SLC16A6: variants seen among roughly 807,000 people sequenced by gnomAD.
SLC16A6 encodes solute carrier family 16 member 6, also known as monocarboxylate transporter 7.
SLC16A6 carries 15 observed loss-of-function variants against 33.8 expected under a neutral mutation model. The observed-to-expected ratio is 0.44, with a 90% CI of 0.30 to 0.68. The LOEUF is 0.68. Ranked by LOEUF, SLC16A6 falls within the 30% of genes least tolerant of loss-of-function variation. The pLI, the probability that SLC16A6 is intolerant of heterozygous loss-of-function variation, is 0.10. For synonymous variants in SLC16A6, 219 were observed against 248.4 expected (o/e 0.88, Z 1.11); for missense variants, 451 against 661.5 (o/e 0.68, Z 3.49).
intron 1 of SLC16A6, among the ~76,000 whole-genome samples, chr17:68,283,546 C>G (rs1373754379): frequency 2.7e-5 from 4 of 149,274 alleles, no homozygotes; most frequent in Non-Finnish European, 5.9e-5. Context: ...AGGCTGGGCA[C>G]GGCGGCTCAC....
chr17:68,269,059 C>G lies in SLC16A6; in HGVS notation c.*37G>C. 6.3e-7 allele frequency: 1 copy of G among 1,586,834 alleles called. No homozygotes were observed. Among genetic ancestry groups the G allele is most frequent in the Non-Finnish European group, 8.6e-7 (1 of 1,166,696 alleles). On this transcript the variant is annotated 3_prime_UTR_variant, in exon 6 of 6. Coordinates refer to ENST00000580666, the MANE Select transcript of SLC16A6 (RefSeq NM_004694.5). Reference sequence around the variant, plus strand: ...CCCGTTGGGCCCACCCCATCCCTCTCCAGCCAACACAGTGGCTGTTGTTGT... The same window carrying G: ...CCCGTTGGGCCCACCCCATCCCTCTGCAGCCAACACAGTGGCTGTTGTTGT...
At chr17:68,279,353 A>AAT (rs1213439287) in intron 1 of SLC16A6, among the ~76,000 whole-genome samples, 2 of 152,018 alleles carry the variant, frequency 1.3e-5, no homozygotes, top group African/African-American at 4.8e-5. Flanking sequence ...CTCAGTAAGC[A>AAT]ATATTCTGAT....
chr17:68,272,846 T>G, intron 3 of SLC16A6, 79 bp from the exon 4 acceptor site: 1 of 1,569,852 alleles, frequency 6.4e-7, no homozygotes, highest in Non-Finnish European at 8.6e-7. Flanking sequence ...AGATCTGGGA[T>G]TTTTGGTTTT....
chr17:68,276,442 ACTTT>A (rs782598955), intron 2 of SLC16A6, among the ~76,000 whole-genome samples: 5 of 151,630 alleles, frequency 3.3e-5, no homozygotes, highest in African/African-American at 7.3e-5. Context: ...AGCCTGGTTA[ACTTT>A]CTTTATTTTT....
chr17:68,289,194 A>C (rs1178760430), intron 1 of SLC16A6, among the ~76,000 whole-genome samples: 3 of 152,158 alleles, frequency 2.0e-5, no homozygotes, highest in South Asian at 2.1e-4. Flanking sequence ...AAAAAATTAA[A>C]AAATGAGGTG....
At chr17:68,279,307 A>G (rs1476087574) in intron 1 of SLC16A6, among the ~76,000 whole-genome samples, 1 of 151,994 alleles carries the variant, frequency 6.6e-6, no homozygotes, top group Non-Finnish European at 1.5e-5. Flanking sequence ...GGCCACCGCG[A>G]TCACCTAGTC....
At chr17:68,273,178 G>A (rs1180351017) in intron 3 of SLC16A6, among the ~76,000 whole-genome samples, 1 of 151,704 alleles carries the variant, frequency 6.6e-6, no homozygotes, top group Non-Finnish European at 1.5e-5. Context: ...TCATCTATGA[G>A]GAATATATGG....
In SLC16A6 at chr17:68,288,718, A is replaced by G. The variant is rs1449838588; in HGVS notation, c.-8+2368T>C. Reference sequence around the variant, plus strand: ...ACAGCCTTTGACCGTCACTTGCTTTAATCCTTCTAAGCCCTTTGAAGGCAA... The same window carrying G: ...ACAGCCTTTGACCGTCACTTGCTTTGATCCTTCTAAGCCCTTTGAAGGCAA... On this transcript the variant is annotated intron_variant, in intron 1 of 5. Coordinates refer to ENST00000580666, the MANE Select transcript of SLC16A6 (RefSeq NM_004694.5). Among the ~76,000 whole-genome samples, 3 of 152,228 alleles carry G rather than the reference A, an allele frequency of 2.0e-5. No homozygotes were observed. The East Asian group carries it at 5.8e-4, about 29-fold the overall frequency.
chr17:68,267,496 T>A lies in SLC16A6; in HGVS notation c.*1600A>T, dbSNP rs1228315937. 1 of 152,218 alleles carries A rather than the reference T, an allele frequency of 6.6e-6. No individual in the cohort carries two copies. Among genetic ancestry groups the A allele is most frequent in the African/African-American group, 2.4e-5 (1 of 41,458 alleles). 9.4% of individuals were successfully genotyped at this position (152,218 alleles called of 1,614,324 possible). A position where few individuals can be genotyped will look rare whatever the true frequency, so the allele number is the denominator to read the frequency against. ...CAGGTGGTGATGAACTATGCCACTT[T>A]CATTTCAGTGCAGAGAAATATTCAA... is the stretch of plus-strand genomic sequence containing the variant. On this transcript the variant is annotated 3_prime_UTR_variant, in exon 6 of 6. Transcript: ENST00000580666.
At chr17:68,273,865 C>T in intron 3 of SLC16A6, 62 bp downstream of exon 3, 2 of 1,563,462 alleles carry the variant, frequency 1.3e-6, no homozygotes, top group Non-Finnish European at 1.7e-6. Flanking sequence ...TTTCCTCCTT[C>T]CCCTTCCTTG....
In SLC16A6 at chr17:68,271,055, A is replaced by G. The variant is rs1555748363; in HGVS notation, c.1105T>C (p.Leu369=). Residue 369 remains leucine, a synonymous_variant, in exon 5 of 6, where the codon TTG becomes CTG. Transcript: ENST00000580666. This position sits in a 1 kb window ranked among gnomAD's most constrained non-coding sequence, Gnocchi z 5.3. ...IYIELICVIL[L]TVSLFAFTFA... is the part of the protein sequence containing the mutation. ...GTAAAGGCAAACAGAGACACAGTCA[A>G]TAAGATGACGCAGATGAGCTCAATG... is the stretch of plus-strand genomic sequence containing the variant. 6 of 1,614,132 alleles carry G rather than the reference A, an allele frequency of 3.7e-6. No individual in the cohort carries two copies. In the African/African-American group the frequency reaches 4.0e-5, roughly 11 times the overall value.
chr17:68,288,163 AT>A (rs531417432), intron 1 of SLC16A6, among the ~76,000 whole-genome samples: 54 of 147,706 alleles, frequency 3.7e-4, no homozygotes, highest in African/African-American at 6.4e-4. Flanking sequence ...CGCCCGGCTG[AT>A]TTTTTTTTTG....
intron 1 of SLC16A6, among the ~76,000 whole-genome samples, chr17:68,288,919 G>A (rs183209959): frequency 6.6e-6 from 1 of 152,128 alleles, no homozygotes; most frequent in African/African-American, 2.4e-5. Flanking sequence ...TACAAAACTC[G>A]ACAATTCTGA....
chr17:68,278,484 C>G (rs1396111792), intron 1 of SLC16A6, among the ~76,000 whole-genome samples, 157 bp from the exon 2 acceptor site: 1 of 152,092 alleles, frequency 6.6e-6, no homozygotes, highest in Non-Finnish European at 1.5e-5. Context: ...GAGTCTTGCT[C>G]TGTCATCCAG....
chr17:68,273,573 T>G (rs1318794173), intron 3 of SLC16A6, among the ~76,000 whole-genome samples: 3 of 152,160 alleles, frequency 2.0e-5, no homozygotes, highest in Non-Finnish European at 4.4e-5. Context: ...AAGTCTGGCA[T>G]GTTGCACTTC....
Position 68,268,908 on chromosome 17 carries a change from A to T in SLC16A6, c.*188T>A. On this transcript the variant is annotated 3_prime_UTR_variant, in exon 6 of 6. Coordinates refer to ENST00000580666, the MANE Select transcript of SLC16A6 (RefSeq NM_004694.5). ...TTTGGCTTTAAAAACAAGCAAAAAA[A>T]AAAAGCTTAAAACAAAACAAAACAA... is the stretch of plus-strand genomic sequence containing the variant. 7.2e-7 allele frequency: 1 copy of T among 1,380,596 alleles called. No homozygotes were observed. Among genetic ancestry groups the T allele is most frequent in the Admixed American group, 2.7e-5 (1 of 37,322 alleles). 85.5% of individuals were successfully genotyped at this position (1,380,596 alleles called of 1,614,324 possible).
chr17:68,272,805 A>G, intron 3 of SLC16A6, 38 bp from the exon 4 acceptor site: 5 of 1,611,230 alleles, frequency 3.1e-6, no homozygotes, highest in Non-Finnish European at 4.2e-6. Flanking sequence ...TGAGACCCAC[A>G]TACTGCTTGA....
At chr17:68,284,737 A>C (rs2075803054) in intron 1 of SLC16A6, among the ~76,000 whole-genome samples, 1 of 152,240 alleles carries the variant, frequency 6.6e-6, no homozygotes, top group Admixed American at 6.5e-5. Context: ...GTAGCCTAGT[A>C]CTTGGGAAGG....
At chr17:68,277,864 A>G (rs2075574713) in intron 2 of SLC16A6, among the ~76,000 whole-genome samples, 1 of 152,228 alleles carries the variant, frequency 6.6e-6, no homozygotes, top group Admixed American at 6.5e-5. Flanking sequence ...CATGTGTGTT[A>G]AACTGAAGGC....
Sources: gnomAD v4.1 joint callset for allele counts (sites outside exome capture counted in the v4.1 genomes callset) on GRCh38, gnomAD v4.1.1 for gene constraint, Gnocchi (gnomAD v3.1) non-coding constraint, MANE v1.5 for transcripts, NCBI Gene and HGNC (gene_info 2026-07-23, HGNC 2026-07-21) for gene names.